RGS12: variants seen among roughly 807,000 people sequenced by gnomAD.
RGS12 encodes regulator of G-protein signaling 12.
In RGS12, 66 loss-of-function variants were observed where a neutral mutation model predicts 120.1. The observed-to-expected ratio is 0.55, with a 90% CI of 0.45 to 0.67. The LOEUF is 0.67. Among genes scored for constraint, RGS12 ranks in the 30% least tolerant of loss-of-function variants. The pLI, the probability that RGS12 is intolerant of heterozygous loss-of-function variation, is 0.00. For missense variants in RGS12, 1,859 were observed against 1,957.7 expected, an observed-to-expected ratio of 0.95 and a Z score of 0.95; for synonymous variants, 827 against 804.7, an observed-to-expected ratio of 1.03 and a Z score of -0.47.
upstream of RGS12, among the ~76,000 whole-genome samples, chr4:3,289,075 A>G (rs1722959119): frequency 6.6e-6 from 1 of 152,170 alleles, no homozygotes; most frequent in Admixed American, 6.5e-5. Flanking sequence ...TCCCCCTATC[A>G]GCCTCCACCT....
At chr4:3,350,110 G>C (rs1196313579) in intron 3 of RGS12, among the ~76,000 whole-genome samples, 1 of 152,176 alleles carries the variant, frequency 6.6e-6, no homozygotes, top group East Asian at 1.9e-4. Context: ...GTTTTCACCT[G>C]AGAAACTTAA....
chr4:3,417,213 T>G, intron 8 of RGS12, 121 bp downstream of exon 8: 5 of 1,330,814 alleles, frequency 3.8e-6, no homozygotes, highest in Non-Finnish European at 5.0e-6. Flanking sequence ...TGACGCTCCA[T>G]GCTGGAAAGT....
intron 4 of RGS12, among the ~76,000 whole-genome samples, chr4:3,391,856 C>T (rs887006809): frequency 6.6e-6 from 1 of 152,042 alleles, no homozygotes; most frequent in Admixed American, 6.5e-5. Flanking sequence ...CTCAGCTTCT[C>T]GGTCTGGGAG....
At chr4:3,431,541 G>A (rs1254983251) in intron 17 of RGS12, 1 of 985,924 alleles carries the variant, frequency 1.0e-6, no homozygotes, top group Non-Finnish European at 1.2e-6. Context: ...GGGTGTCACG[G>A]GCATTTCTCA....
chr4:3,318,831 C>T (rs1366280333), intron 2 of RGS12, among the ~76,000 whole-genome samples: 4 of 152,204 alleles, frequency 2.6e-5, no homozygotes, highest in Non-Finnish European at 5.9e-5. Flanking sequence ...CTTCCTCCAG[C>T]CAGAGGCGGC....
chr4:3,340,793 G>A (rs1560098601), intron 2 of RGS12, among the ~76,000 whole-genome samples: 2 of 117,962 alleles, frequency 1.7e-5, no homozygotes, highest in Admixed American at 8.7e-5. Context: ...AGTGCAGTCC[G>A]TTCTCCAGCC....
Position 3,433,794 on chromosome 4 carries a change from G to A in RGS12, c.4114+2839G>A, listed in dbSNP as rs1036359643. 3.9e-5 allele frequency among the ~76,000 whole-genome samples: 6 copies of A among 152,180 alleles called. No individual in the cohort carries two copies. The highest frequency in any genetic ancestry group is 2.1e-4 in the South Asian group (1 of 4,826). On this transcript the variant is annotated intron_variant, in intron 17 of 17. Coordinates refer to ENST00000336727, the MANE Select transcript of RGS12 (RefSeq NM_001394154.1). The surrounding 1 kb of genome is among the most constrained non-coding windows in gnomAD (Gnocchi z 4.4). ...CCCGTCTGTCTAGCCCCAGCACCACGCACCGAGACCGAGACCATGCACCAT... is the reference window on the plus strand; with the variant it reads ...CCCGTCTGTCTAGCCCCAGCACCACACACCGAGACCGAGACCATGCACCAT...
At chr4:3,423,102 G>T (rs1037736399) in intron 12 of RGS12, 124 bp downstream of exon 12, 2 of 682,438 alleles carry the variant, frequency 2.9e-6, no homozygotes, top group Non-Finnish European at 5.0e-6. Flanking sequence ...ACGATGGGGT[G>T]TCGGGGCGGG....
At chr4:3,346,335 C>A (rs1713786650) in intron 3 of RGS12, among the ~76,000 whole-genome samples, 1 of 152,168 alleles carries the variant, frequency 6.6e-6, no homozygotes, top group Non-Finnish European at 1.5e-5. Context: ...CACCATTATT[C>A]TGCCGAGTCA....
intron 4 of RGS12, chr4:3,413,476 C>T (rs1418068048): frequency 1.3e-5 from 2 of 152,422 alleles, no homozygotes; most frequent in Admixed American, 6.5e-5. Context: ...AAGGAGCCCA[C>T]ATGCAGAGCA....
rs759505839 is a variant in RGS12 at position 3,386,442 on chromosome 4, G to A, written c.2020+5G>A. Reference sequence around the variant, plus strand: ...CTGCAACTGTGTCTGATGGCGGTAAGTCACAATTTCTGATGTATATATTTT... The same window carrying A: ...CTGCAACTGTGTCTGATGGCGGTAAATCACAATTTCTGATGTATATATTTT... On this transcript the variant is annotated splice_donor_5th_base_variant and intron_variant, in intron 4 of 17. Coordinates refer to ENST00000336727, the MANE Select transcript of RGS12 (RefSeq NM_001394154.1). 1 of 1,609,480 alleles carries A rather than the reference G, an allele frequency of 6.2e-7. No homozygotes were observed. Among genetic ancestry groups the A allele is most frequent in the Non-Finnish European group, 8.5e-7 (1 of 1,176,052 alleles).
chr4:3,415,529 G>A (rs1044497336), intron 6 of RGS12, among the ~76,000 whole-genome samples: 4 of 152,154 alleles, frequency 2.6e-5, no homozygotes, highest in African/African-American at 7.2e-5. Flanking sequence ...CCTGCGCCTC[G>A]TGGGAGGTGC....
In RGS12 at chr4:3,338,761, G is replaced by A. The variant is rs955325533; in HGVS notation, c.1882-4176G>A. On this transcript the variant is annotated intron_variant, in intron 2 of 17. Transcript: ENST00000336727. The stretch of plus-strand genomic sequence containing the variant: ...CACCTGTCTTCTCAGACAGTCGTGA[G>A]GAGTCTTCTCAACTTAAAAGCTGGA... Among the ~76,000 whole-genome samples the A allele has an allele frequency of 5.3e-5, 8 of 152,312 alleles. No individual in the cohort carries two copies. In the East Asian group the frequency reaches 5.8e-4, roughly 11 times the overall value.
intron 16 of RGS12, 50 bp from the exon 17 acceptor site, chr4:3,430,357 T>A: frequency 6.6e-7 from 1 of 1,506,492 alleles, no homozygotes; most frequent in Non-Finnish European, 9.1e-7. Context: ...GTGACAGTCA[T>A]TAATGTGAAA....
chr4:3,390,033 C>T lies in RGS12; in HGVS notation c.2020+3596C>T, dbSNP rs557414863. ...GGCCCTGTCTCTGCAGCCATCCTCCCGCTCCCTTCTCCTGAACGCTGGTGG... is the reference window on the plus strand; with the variant it reads ...GGCCCTGTCTCTGCAGCCATCCTCCTGCTCCCTTCTCCTGAACGCTGGTGG... On this transcript the variant is annotated intron_variant, in intron 4 of 17. Transcript: ENST00000336727. The surrounding 1 kb of genome is among the most constrained non-coding windows in gnomAD (Gnocchi z 4.6). Among the ~76,000 whole-genome samples, 109 of 152,260 alleles carry T rather than the reference C, an allele frequency of 7.2e-4. 1 individual carries two copies. Among genetic ancestry groups the T allele is most frequent in the Admixed American group, 2.6e-3 (40 of 15,302 alleles).
At chr4:3,307,179 A>G (rs1220123442) in intron 1 of RGS12, among the ~76,000 whole-genome samples, 1 of 152,108 alleles carries the variant, frequency 6.6e-6, no homozygotes, top group Non-Finnish European at 1.5e-5. Flanking sequence ...TTCTGGTCCT[A>G]GGATACGGCC....
At chr4:3,420,578 T>C (rs1722901888) in intron 9 of RGS12, 64 bp from the exon 10 acceptor site, 4 of 1,530,030 alleles carry the variant, frequency 2.6e-6, no homozygotes, top group Non-Finnish European at 3.6e-6. Context: ...GGCAGAGGGT[T>C]GGGAGATGTG....
At chr4:3,432,557 G>T (rs1724419053) in intron 17 of RGS12, among the ~76,000 whole-genome samples, 1 of 152,242 alleles carries the variant, frequency 6.6e-6, no homozygotes, top group Admixed American at 6.5e-5. Context: ...CCCACGTGGG[G>T]GGTCAGTTCT....
chr4:3,362,401 A>G (rs1262966960), intron 3 of RGS12, among the ~76,000 whole-genome samples: 1 of 133,914 alleles, frequency 7.5e-6, no homozygotes, highest in African/African-American at 2.8e-5. Context: ...GTGTGAAGGT[A>G]TGTGAGGGTG....
Sources: gnomAD v4.1 joint callset for allele counts (sites outside exome capture counted in the v4.1 genomes callset) on GRCh38, gnomAD v4.1.1 for gene constraint, Gnocchi (gnomAD v3.1) non-coding constraint, MANE v1.5 for transcripts, NCBI Gene and HGNC (gene_info 2026-07-23, HGNC 2026-07-21) for gene names.